Variants in SHF observed in about 807,000 individuals in gnomAD.
The protein encoded by SHF is Src homology 2 domain containing F.
In SHF, 30 loss-of-function variants were observed where a neutral mutation model predicts 42.4. That is an observed-to-expected ratio of 0.71 (90% CI 0.53 to 0.96). The LOEUF is 0.96. Among genes scored for constraint, SHF ranks in the 40% least tolerant of loss-of-function variants. The probability of loss-of-function intolerance (pLI) is 0.00; values close to 1 mark genes in which losing one functional copy is unlikely to be tolerated. For synonymous variants in SHF, 264 were observed against 269.9 expected (o/e 0.98, Z 0.21); for missense variants, 598 against 634.0 (o/e 0.94, Z 0.61).
intron 2 of SHF, among the ~76,000 whole-genome samples, chr15:45,194,401 G>T (rs1426942548): frequency 6.6e-6 from 1 of 151,720 alleles, no homozygotes; most frequent in African/African-American, 2.4e-5. Flanking sequence ...GCCCAGGCTG[G>T]AGTGCAGTGG....
At chr15:45,189,440 G>C (rs1162812935), upstream of SHF, among the ~76,000 whole-genome samples, 1 of 130,340 alleles carries the variant, frequency 7.7e-6, no homozygotes, top group Non-Finnish European at 1.6e-5. Context: ...CGTCGCTGGA[G>C]TACAGTGGCA....
intron 6 of SHF, chr15:45,170,645 C>CTTTTTTTTTTTTT (rs146136602): frequency 1.9e-4 from 43 of 221,800 alleles, no homozygotes; most frequent in East Asian, 2.8e-4. Context: ...TTATCTTTTT[C>CTTTTTTTTTTTTT]TTTTTTTTTT....
chr15:45,191,300 G>A (rs772713883), upstream of SHF, among the ~76,000 whole-genome samples: 18 of 152,058 alleles, frequency 1.2e-4, no homozygotes, highest in Admixed American at 2.6e-4. Context: ...CTCCCACCTC[G>A]GCCTCCCAAA....
At chr15:45,185,805 G>A (rs1898364545) in intron 1 of SHF, among the ~76,000 whole-genome samples, 1 of 152,230 alleles carries the variant, frequency 6.6e-6, no homozygotes, top group African/African-American at 2.4e-5. Flanking sequence ...CTGTGGCTAG[G>A]GGAGTCTCCG....
intron 2 of SHF, among the ~76,000 whole-genome samples, chr15:45,197,655 C>G (rs1898907865): frequency 6.6e-6 from 1 of 152,178 alleles, no homozygotes; most frequent in Non-Finnish European, 1.5e-5. Context: ...CCAACACAAA[C>G]TGTTTCCCCA....
At chr15:45,173,797 A>G (rs1897652472) in intron 3 of SHF, 81 bp from the exon 4 acceptor site, 10 of 1,461,034 alleles carry the variant, frequency 6.8e-6, no homozygotes, top group Non-Finnish European at 9.3e-6. Context: ...ACCAAAACCC[A>G]GAGCCAGGAC....
In SHF at chr15:45,172,139, ACACT is replaced by A. The variant is rs1897528189; in HGVS notation, c.1160+4_1160+7del. 5 of 1,613,684 alleles carry A rather than the reference ACACT, an allele frequency of 3.1e-6. No homozygotes were observed. The highest frequency in any genetic ancestry group is 1.1e-5 in the South Asian group (1 of 91,072). ...GGAGGGAGTCCCCAGCTGGACACAGACACTCACACCTGGTTTTCCAGAGGCAGTG... is the reference window on the plus strand; with the variant it reads ...GGAGGGAGTCCCCAGCTGGACACAGACACACCTGGTTTTCCAGAGGCAGTG... On this transcript the variant is annotated splice_donor_5th_base_variant and intron_variant, in intron 5 of 6. Transcript: ENST00000690270.
At chr15:45,175,075 C>G (rs543240622) in intron 3 of SHF, 144 bp downstream of exon 3, 82 of 875,292 alleles carry the variant, frequency 9.4e-5, no homozygotes, top group South Asian at 6.5e-4. Context: ...AACCCCACCC[C>G]CTATGGTACA....
chr15:45,179,643 C>T (rs1054532377), intron 1 of SHF, among the ~76,000 whole-genome samples: 5 of 152,232 alleles, frequency 3.3e-5, no homozygotes, highest in African/African-American at 7.2e-5. Flanking sequence ...CCTGATGGGG[C>T]GCTGGCTGAG....
At position 45,178,241 on chromosome 15, in the gene SHF, T is replaced by G; in HGVS notation, c.564A>C (p.Gly188=). The G allele has an allele frequency of 6.2e-7, 1 of 1,613,994 alleles. No individual in the cohort carries two copies. The change falls in exon 2 of 7, where the codon GGA becomes GGC. Residue 188 remains glycine, a synonymous_variant. Transcript: ENST00000690270. ...DVQETGEGSA[G]ASGAPEKVPE... is the part of the protein sequence containing the mutation. ...GGACCTTCTCTGGGGCTCCTGAAGC[T>G]CCTGCTGAGCCTTCGCCAGTCTCCT...
intron 1 of SHF, chr15:45,199,128 C>G: frequency 6.8e-7 from 1 of 1,469,564 alleles, no homozygotes; most frequent in Non-Finnish European, 9.0e-7. Context: ...ACCCTAGAAC[C>G]AGGTTCCACG....
At chr15:45,182,530 A>G (rs1484631928) in intron 1 of SHF, among the ~76,000 whole-genome samples, 1 of 152,214 alleles carries the variant, frequency 6.6e-6, no homozygotes, top group Non-Finnish European at 1.5e-5. Context: ...TGTCCAGGGT[A>G]TGCAGCTTGT....
chr15:45,175,277 AG>A lies in SHF; in HGVS notation c.788del (p.Pro263LeufsTer103). The A allele has an allele frequency of 6.2e-7, 1 of 1,612,174 alleles. No individual in the cohort carries two copies. The highest frequency in any genetic ancestry group is 8.5e-7 in the Non-Finnish European group (1 of 1,179,240). ...SRLPEDDERP[P>X]EEYDQPWEWK... Reference sequence around the variant, plus strand: ...ACTCCCAGGGCTGGTCATACTCCTCAGGGGGCCTCTCATCATCCTCTGGCAG... The same window carrying A: ...ACTCCCAGGGCTGGTCATACTCCTCAGGGGCCTCTCATCATCCTCTGGCAG... On this transcript the variant is annotated frameshift_variant, in exon 3 of 7. Coordinates refer to ENST00000690270, the MANE Select transcript of SHF (RefSeq NM_001394037.1). LOFTEE classifies it high-confidence loss of function.
In SHF at chr15:45,187,905, C is replaced by G; in HGVS notation, c.47G>C (p.Arg16Pro). 8.5e-7 allele frequency: 1 copy of G among 1,181,612 alleles called. No homozygotes were observed. The highest frequency in any genetic ancestry group is 1.0e-6 in the Non-Finnish European group (1 of 955,664). 73.2% of individuals were successfully genotyped at this position (1,181,612 alleles called of 1,614,324 possible). Reference sequence around the variant, plus strand: ...GCCGCCCCCAGCGCTCCCCTGCGTTCGCGGCCCCGGGCGGGAGCCAGCCGG... The same window carrying G: ...GCCGCCCCCAGCGCTCCCCTGCGTTGGCGGCCCCGGGCGGGAGCCAGCCGG... ...APPAGSRPGP[R>P]TQGSAGGGPG... Residue 16 changes from arginine to proline, a missense_variant, in exon 1 of 7, where the codon CGA (arginine) becomes CCA (proline). By Grantham distance (103) the Arg-to-Pro change is moderately radical (BLOSUM62 -2). Around this residue, in one of 2 missense-constraint regions of SHF, gnomAD observed 159 missense variants for 109.3 expected, o/e 1.45. Coordinates refer to ENST00000690270, the MANE Select transcript of SHF (RefSeq NM_001394037.1).
chr15:45,192,518 C>T (rs1440604907), upstream of SHF, among the ~76,000 whole-genome samples: 1 of 151,970 alleles, frequency 6.6e-6, no homozygotes, highest in Admixed American at 6.6e-5. Context: ...CAGGCACCCG[C>T]CACCATGCCC....
intron 4 of SHF, among the ~76,000 whole-genome samples, chr15:45,172,649 G>A (rs1045812585): frequency 3.9e-5 from 6 of 152,210 alleles, no homozygotes; most frequent in African/African-American, 1.4e-4. Flanking sequence ...CATCCTCTCA[G>A]GGTGGCTTCA....
intron 3 of SHF, among the ~76,000 whole-genome samples, chr15:45,174,954 GAAGTAGTCT>G (rs1423874760): frequency 1.3e-5 from 2 of 152,170 alleles, no homozygotes; most frequent in Non-Finnish European, 2.9e-5. Flanking sequence ...CCAAAAGAGA[GAAGTAGTCT>G]AAGCCTCTTA....
rs928168852 is a variant in SHF at position 45,187,515 on chromosome 15, G to A, written c.437C>T (p.Pro146Leu). The change falls in exon 1 of 7, where the codon CCG (proline) becomes CTG (leucine). Residue 146 changes from proline (P) to leucine (L), a missense_variant. By Grantham distance (98) the Pro-to-Leu change is moderately conservative. This residue lies in a region of SHF where 439 missense variants were observed against 524.6 expected (regional missense o/e 0.84). Coordinates refer to ENST00000690270, the MANE Select transcript of SHF (RefSeq NM_001394037.1). ...ATCAGCAGGCGGCGCCGGGGGCCCCGGGGTCTCGACCCGAATAAGGCGGTG... is the reference window on the plus strand; with the variant it reads ...ATCAGCAGGCGGCGCCGGGGGCCCCAGGGTCTCGACCCGAATAAGGCGGTG... ...PPHRLIRVET[P>L]GPPAPPADER... The A allele has an allele frequency of 2.6e-5, 32 of 1,232,168 alleles. No individual in the cohort carries two copies. The highest frequency in any genetic ancestry group is 3.1e-5 in the African/African-American group (2 of 64,400). The allele number at this position is 1,232,168 out of a possible 1,614,324, so 76.3% of individuals were successfully genotyped here. A position where few individuals can be genotyped will look rare whatever the true frequency, so the allele number is the denominator to read the frequency against.
intron 2 of SHF, among the ~76,000 whole-genome samples, chr15:45,196,097 G>GTTTTT (rs58593409): frequency 3.1e-5 from 4 of 129,324 alleles, no homozygotes; most frequent in East Asian, 2.2e-4. Context: ...CTGACTTCCT[G>GTTTTT]TTTTTTTTTT....
Sources: gnomAD v4.1 joint callset for allele counts (sites outside exome capture counted in the v4.1 genomes callset) on GRCh38, gnomAD v4.1.1 for gene constraint, gnomAD v4.1.1 regional missense constraint, MANE v1.5 for transcripts, NCBI Gene and HGNC (gene_info 2026-07-23, HGNC 2026-07-21) for gene names.